ANKFN1: variants seen among roughly 807,000 people sequenced by gnomAD.
ANKFN1 encodes the protein ankyrin repeat and fibronectin type-III domain-containing protein 1.
Under a neutral mutation model 108.7 loss-of-function variants are expected in ANKFN1, and 74 were observed. That is an observed-to-expected ratio of 0.68 (90% CI 0.56 to 0.83). ANKFN1 has a LOEUF of 0.83. ANKFN1 is among the 40% of genes least tolerant of loss of function. The pLI is 0.00. For synonymous variants in ANKFN1, 547 were observed against 516.2 expected (o/e 1.06, Z -0.81); for missense variants, 1,505 against 1,382.3 (o/e 1.09, Z -1.41).
intron 4 of ANKFN1, among the ~76,000 whole-genome samples, chr17:56,069,542 C>T (rs569391594): frequency 6.6e-6 from 1 of 152,298 alleles, no homozygotes; most frequent in African/African-American, 2.4e-5. Flanking sequence ...TTTGCTCCCT[C>T]TACTAGGTCA....
intron 3 of ANKFN1, among the ~76,000 whole-genome samples, chr17:56,262,609 C>T (rs188330282): frequency 6.6e-6 from 1 of 152,256 alleles, no homozygotes; most frequent in East Asian, 1.9e-4. Context: ...TCTTTTGTAG[C>T]ATTTGAAAAT....
intron 3 of ANKFN1, among the ~76,000 whole-genome samples, chr17:56,270,758 C>G (rs989284999): frequency 2.6e-5 from 4 of 152,190 alleles, no homozygotes; most frequent in Non-Finnish European, 5.9e-5. Flanking sequence ...CTAACTTGAA[C>G]ATGTCCAGCT....
intron 3 of ANKFN1, among the ~76,000 whole-genome samples, chr17:56,302,189 T>C (rs2044689011): frequency 6.6e-6 from 1 of 152,140 alleles, no homozygotes; most frequent in African/African-American, 2.4e-5. Context: ...TTGTCCAAAT[T>C]TGTGTAATCT....
At chr17:56,227,729 T>G (rs981071782) in intron 2 of ANKFN1, among the ~76,000 whole-genome samples, 188 bp from the exon 3 acceptor site, 18 of 152,114 alleles carry the variant, frequency 1.2e-4, no homozygotes, top group African/African-American at 4.3e-4. Context: ...AGCATGAATG[T>G]TTTTTCTTTC....
At chr17:56,455,157 C>A (rs1388795189) in intron 11 of ANKFN1, among the ~76,000 whole-genome samples, 1 of 152,126 alleles carries the variant, frequency 6.6e-6, no homozygotes, top group Non-Finnish European at 1.5e-5. Context: ...TCTTTCTATC[C>A]ATCTGCTTTC....
At chr17:56,309,780 T>A (rs564128687) in intron 3 of ANKFN1, among the ~76,000 whole-genome samples, 4 of 152,358 alleles carry the variant, frequency 2.6e-5, no homozygotes, top group Admixed American at 2.6e-4. Context: ...CAATAACTAA[T>A]AATAAAATAG....
At chr17:56,087,795 C>T (rs1905343790) in intron 4 of ANKFN1, among the ~76,000 whole-genome samples, 1 of 151,298 alleles carries the variant, frequency 6.6e-6, no homozygotes, top group South Asian at 2.1e-4. Flanking sequence ...CATTTGTGTG[C>T]CTATAATCCA....
At chr17:56,309,710 A>G (rs779293648) in intron 3 of ANKFN1, among the ~76,000 whole-genome samples, 1 of 152,226 alleles carries the variant, frequency 6.6e-6, no homozygotes, top group Non-Finnish European at 1.5e-5. Context: ...TGTTTTTCTT[A>G]TACATACATA....
At chr17:56,259,958 T>A (rs2043466113) in intron 3 of ANKFN1, among the ~76,000 whole-genome samples, 1 of 148,304 alleles carries the variant, frequency 6.7e-6, no homozygotes, top group South Asian at 2.2e-4. Context: ...TCTTTTCAAA[T>A]TACTAAAAGG....
intron 6 of ANKFN1, among the ~76,000 whole-genome samples, chr17:56,370,094 A>G (rs1462618140): frequency 5.9e-5 from 9 of 152,130 alleles, no homozygotes; most frequent in Non-Finnish European, 1.3e-4. Flanking sequence ...TGCACCCCCT[A>G]CTTCACCCAC....
intron 4 of ANKFN1, among the ~76,000 whole-genome samples, chr17:56,145,013 T>C (rs1908173906): frequency 6.6e-6 from 1 of 152,186 alleles, no homozygotes; most frequent in Non-Finnish European, 1.5e-5. Flanking sequence ...TACAGATGCT[T>C]AATCTTTCCC....
intron 2 of ANKFN1, 65 bp from the exon 3 acceptor site, chr17:56,227,852 C>A (rs1396839974): frequency 1.5e-6 from 2 of 1,376,958 alleles, no homozygotes; most frequent in Non-Finnish European, 2.0e-6. Context: ...AACGTGACTC[C>A]TTTTTCATTT....
At chr17:56,155,538 T>C (rs1221724996) in intron 1 of ANKFN1, among the ~76,000 whole-genome samples, 1 of 152,142 alleles carries the variant, frequency 6.6e-6, no homozygotes, top group Non-Finnish European at 1.5e-5. Context: ...AAGGTTCTCT[T>C]TGAGGAGGTG....
At chr17:56,455,094 C>G (rs779048869) in intron 11 of ANKFN1, among the ~76,000 whole-genome samples, 1 of 152,188 alleles carries the variant, frequency 6.6e-6, no homozygotes, top group African/African-American at 2.4e-5. Flanking sequence ...AATCAGATCA[C>G]TTCTGAACTT....
At chr17:56,224,395 C>T (rs1210182276) in intron 2 of ANKFN1, among the ~76,000 whole-genome samples, 2 of 152,134 alleles carry the variant, frequency 1.3e-5, no homozygotes, top group African/African-American at 4.8e-5. Flanking sequence ...ACAGTAGCCA[C>T]CTCATCTCAA....
intron 8 of ANKFN1, among the ~76,000 whole-genome samples, chr17:56,397,272 A>C (rs1177780703): frequency 6.6e-6 from 1 of 152,138 alleles, no homozygotes; most frequent in Non-Finnish European, 1.5e-5. Flanking sequence ...CTGCCTACAC[A>C]TTCACCGCAT....
At chr17:56,326,095 G>A (rs2045507748) in intron 3 of ANKFN1, 126 bp from the exon 4 acceptor site, 1 of 1,341,316 alleles carries the variant, frequency 7.5e-7, no homozygotes, top group Non-Finnish European at 1.0e-6. Context: ...GAGCCAAGCT[G>A]TTTACTTCTC....
At chr17:56,339,206 A>G (rs1338849691) in intron 4 of ANKFN1, among the ~76,000 whole-genome samples, 7 of 152,068 alleles carry the variant, frequency 4.6e-5, no homozygotes, top group Non-Finnish European at 1.0e-4. Context: ...CATTTAAATC[A>G]GAAAGGAGAA....
chr17:56,474,400 G>T (rs767459602), intron 15 of ANKFN1, among the ~76,000 whole-genome samples: 1 of 152,204 alleles, frequency 6.6e-6, no homozygotes, highest in Non-Finnish European at 1.5e-5. Flanking sequence ...TGTATGATTT[G>T]CTCTCACAGA....
Sources: gnomAD v4.1 joint callset for allele counts (sites outside exome capture counted in the v4.1 genomes callset) on GRCh38, gnomAD v4.1.1 for gene constraint, MANE v1.5 for transcripts, NCBI Gene and HGNC (gene_info 2026-07-23, HGNC 2026-07-21) for gene names.